The following AGAP1 variants were observed in gnomAD, a reference collection of about 807,000 sequenced individuals.
AGAP1 encodes ArfGAP with GTPase domain, ankyrin repeat and PH domain 1.
In AGAP1, 29 loss-of-function variants were observed where a neutral mutation model predicts 105.3. The observed-to-expected ratio is 0.28, with a 90% CI of 0.21 to 0.38. AGAP1 has a LOEUF of 0.38. Ranked by LOEUF, AGAP1 falls within the 10% of genes least tolerant of loss-of-function variation. The pLI is 1.00. For missense variants in AGAP1, 998 were observed against 1,165.1 expected (o/e 0.86, Z 2.09); for synonymous variants, 509 against 485.9 (o/e 1.05, Z -0.63).
intron 1 of AGAP1, among the ~76,000 whole-genome samples, chr2:235,501,001 T>G (rs546001153): frequency 2.6e-5 from 4 of 152,212 alleles, no homozygotes; most frequent in African/African-American, 9.6e-5. Context: ...TCAAAGAGCC[T>G]CAATACCCTG....
rs1382564480 is a variant in AGAP1 at position 236,014,458 on chromosome 2, GTCA to G, written c.1646-22098_1646-22096del. On this transcript the variant is annotated intron_variant, in intron 13 of 17. Transcript: ENST00000304032. This position sits in a 1 kb window ranked among gnomAD's most constrained non-coding sequence, Gnocchi z 6.3. ...TGGCATCATAGCTCCTTCAAAGGGT[GTCA>G]TCATTTCCCAAGGCAGAGGCCAGTT... Among the ~76,000 whole-genome samples the G allele has an allele frequency of 6.6e-6, 1 of 152,228 alleles. No homozygotes were observed. Among genetic ancestry groups the G allele is most frequent in the African/African-American group, 2.4e-5 (1 of 41,460 alleles).
At chr2:235,594,164 A>G (rs1434446108) in intron 1 of AGAP1, among the ~76,000 whole-genome samples, 1 of 152,160 alleles carries the variant, frequency 6.6e-6, no homozygotes, top group Non-Finnish European at 1.5e-5. Flanking sequence ...TTGCTTTTCA[A>G]ATAGACTTAG....
rs371029126 is a variant in AGAP1 at position 235,799,477 on chromosome 2, C to G, written c.912C>G (p.Pro304=). Residue 304 remains proline (P), a synonymous_variant, in exon 8 of 18, where the codon CCC becomes CCG. Coordinates refer to ENST00000304032, the MANE Select transcript of AGAP1 (RefSeq NM_001037131.3). The surrounding 1 kb of genome is among the most constrained non-coding windows in gnomAD (Gnocchi z 5.0). The part of the protein sequence containing the change: ...RIDVPPTANT[P]TPVRKQSKRR... The stretch of plus-strand genomic sequence containing the variant: ...ATGTTCCTCCCACTGCCAACACGCC[C>G]ACGCCCGTTCGCAAGCAGTCTAAGC... 3.1e-6 allele frequency: 5 copies of G among 1,614,096 alleles called. No individual in the cohort carries two copies. The African/African-American group carries it at 6.7e-5, about 22-fold the overall frequency.
At chr2:235,597,048 C>G (rs181255002) in intron 1 of AGAP1, among the ~76,000 whole-genome samples, 5 of 152,168 alleles carry the variant, frequency 3.3e-5, no homozygotes, top group African/African-American at 4.8e-5. Context: ...GTGCCTCTGC[C>G]GGTGGTCTTT....
Position 235,883,517 on chromosome 2 carries a change from C to A in AGAP1, c.1155+68C>A. The A allele has an allele frequency of 7.7e-7, 1 of 1,300,692 alleles. No homozygotes were observed. The highest frequency in any genetic ancestry group is 1.1e-6 in the Non-Finnish European group (1 of 911,802). 80.6% of individuals were successfully genotyped at this position (1,300,692 alleles called of 1,614,324 possible). ...AACTAAACACTGTGGGGAAGGGGAA[C>A]CTACCAGCAGCCCAGCCTCTTGTCT... is the stretch of plus-strand genomic sequence containing the variant. On this transcript the variant is annotated intron_variant, in intron 10 of 17. Transcript: ENST00000304032. This position sits in a 1 kb window ranked among gnomAD's most constrained non-coding sequence, Gnocchi z 4.5.
rs372709462 is a variant in AGAP1, at chr2:235,883,329, T to C, written c.1051-16T>C. 127 of 1,609,356 alleles carry C rather than the reference T, an allele frequency of 7.9e-5. No individual in the cohort carries two copies. The African/African-American group carries it at 1.4e-3, about 17-fold the overall frequency. ...ATTTACATTAGAATTTCTATTTGGC[T>C]CTTTTTCCCTTGTAGGGCATGCTGT... On this transcript the variant is annotated splice_polypyrimidine_tract_variant and intron_variant, in intron 9 of 17. Coordinates refer to ENST00000304032, the MANE Select transcript of AGAP1 (RefSeq NM_001037131.3). This position sits in a 1 kb window ranked among gnomAD's most constrained non-coding sequence, Gnocchi z 4.5.
In AGAP1 at chr2:235,842,862, G is replaced by A. The variant is rs1961024929; in HGVS notation, c.1050+35531G>A. On this transcript the variant is annotated intron_variant, in intron 9 of 17. Coordinates refer to ENST00000304032, the MANE Select transcript of AGAP1 (RefSeq NM_001037131.3). This position sits in a 1 kb window ranked among gnomAD's most constrained non-coding sequence, Gnocchi z 5.3. The stretch of plus-strand genomic sequence containing the variant: ...TCTGCCTCAGCCTCCCGACTAGCTG[G>A]GATTATAGGCATGTGCCACCATGCC... Among the ~76,000 whole-genome samples the A allele has an allele frequency of 6.6e-6, 1 of 152,062 alleles. No homozygotes were observed. The highest frequency in any genetic ancestry group is 2.1e-4 in the South Asian group (1 of 4,822).
rs1467396311 is a variant in AGAP1 at position 235,866,001 on chromosome 2, G to A, written c.1051-17344G>A. ...CTGCAGCTTGAATGAAAGCTGTCTC[G>A]ATCCATGTATGTCTGTGTATCTGCG... On this transcript the variant is annotated intron_variant, in intron 9 of 17. Transcript: ENST00000304032. The surrounding 1 kb of genome is among the most constrained non-coding windows in gnomAD (Gnocchi z 6.1). Among the ~76,000 whole-genome samples, 3 of 152,106 alleles carry A rather than the reference G, an allele frequency of 2.0e-5. No individual in the cohort carries two copies. In the East Asian group the frequency reaches 5.8e-4, roughly 29 times the overall value.
At chr2:236,070,136 G>A (rs1017078673) in intron 16 of AGAP1, among the ~76,000 whole-genome samples, 4 of 152,354 alleles carry the variant, frequency 2.6e-5, no homozygotes, top group Non-Finnish European at 4.4e-5. Context: ...CATTGCTCCC[G>A]AAAGCTGTGC....
In AGAP1 at chr2:236,003,185, C is replaced by G. The variant is rs910157482; in HGVS notation, c.1646-33376C>G. On this transcript the variant is annotated intron_variant, in intron 13 of 17. Coordinates refer to ENST00000304032, the MANE Select transcript of AGAP1 (RefSeq NM_001037131.3). The surrounding 1 kb of genome is among the most constrained non-coding windows in gnomAD (Gnocchi z 4.2). ...TCAACCCCCCAAGTAGCTGGGACTA[C>G]AGGCACATGCCGCCACGCCCAGCTA... 7.9e-5 allele frequency among the ~76,000 whole-genome samples: 12 copies of G among 152,300 alleles called. No individual in the cohort carries two copies. The highest frequency in any genetic ancestry group is 3.4e-3 in the Middle Eastern group (1 of 294).
chr2:235,697,126 C>T (rs1188468775), intron 1 of AGAP1, among the ~76,000 whole-genome samples: 1 of 152,310 alleles, frequency 6.6e-6, no homozygotes, highest in East Asian at 1.9e-4. Flanking sequence ...CACCAGCCAG[C>T]TTTAGGTCTG....
chr2:235,844,783 G>A (rs1336679427), intron 9 of AGAP1, among the ~76,000 whole-genome samples: 1 of 152,174 alleles, frequency 6.6e-6, no homozygotes, highest in Non-Finnish European at 1.5e-5. Flanking sequence ...GCTGGTCCAA[G>A]ACATAGCGTT....
rs1392427396 is a variant in AGAP1 at position 235,728,476 on chromosome 2, T to C, written c.310+10832T>C. ...AATGGAAACCTGATTCAACTCACAG[T>C]GTAGTCCTTTATCCATGCTTGTTGG... is the stretch of plus-strand genomic sequence containing the variant. On this transcript the variant is annotated intron_variant, in intron 3 of 17. Coordinates refer to ENST00000304032, the MANE Select transcript of AGAP1 (RefSeq NM_001037131.3). The surrounding 1 kb of genome is among the most constrained non-coding windows in gnomAD (Gnocchi z 4.3). 6.6e-6 allele frequency among the ~76,000 whole-genome samples: 1 copy of C among 152,136 alleles called. No individual in the cohort carries two copies. The highest frequency in any genetic ancestry group is 1.5e-5 in the Non-Finnish European group (1 of 68,038).
At chr2:235,687,220 C>T (rs2149426197) in intron 1 of AGAP1, among the ~76,000 whole-genome samples, 1 of 152,290 alleles carries the variant, frequency 6.6e-6, no homozygotes, top group South Asian at 2.1e-4. Context: ...AACAGATTCC[C>T]ATTCTTCAGG....
intron 9 of AGAP1, among the ~76,000 whole-genome samples, chr2:235,881,771 C>G (rs13014851): frequency 0.19 from 29,112 of 152,222 alleles, 3,798 homozygotes; most frequent in East Asian, 0.46. Context: ...AAGAAATTCT[C>G]AACCACCATT....
At chr2:236,025,984 G>C (rs1025060594) in intron 13 of AGAP1, among the ~76,000 whole-genome samples, 1 of 151,874 alleles carries the variant, frequency 6.6e-6, no homozygotes, top group Non-Finnish European at 1.5e-5. Flanking sequence ...AGGAGCTTCA[G>C]GGACCTCAGA....
At chr2:235,942,263 TAG>T (rs2053295900) in intron 12 of AGAP1, among the ~76,000 whole-genome samples, 1 of 152,172 alleles carries the variant, frequency 6.6e-6, no homozygotes, top group Non-Finnish European at 1.5e-5. Context: ...AGGAGTCCAG[TAG>T]CCACGGGTAG....
chr2:236,006,058 C>G (rs1331999496), intron 13 of AGAP1, among the ~76,000 whole-genome samples: 2 of 152,138 alleles, frequency 1.3e-5, no homozygotes, highest in African/African-American at 4.8e-5. Flanking sequence ...TTCTCTCCCC[C>G]ATTTATGACT....
intron 9 of AGAP1, among the ~76,000 whole-genome samples, chr2:235,832,080 A>G (rs1003641480): frequency 6.6e-6 from 1 of 152,046 alleles, no homozygotes; most frequent in Non-Finnish European, 1.5e-5. Context: ...GCATCTTTTC[A>G]TGTGTTTATT....
Sources: allele counts gnomAD v4.1 joint callset (sites outside exome capture counted in the v4.1 genomes callset), GRCh38; gene constraint gnomAD v4.1.1; non-coding constraint Gnocchi (gnomAD v3.1); transcripts MANE v1.5; gene names NCBI Gene and HGNC (gene_info 2026-07-23, HGNC 2026-07-21).